Variants in ZRANB3 observed in about 807,000 individuals in gnomAD.
The protein encoded by ZRANB3 is DNA annealing helicase and endonuclease ZRANB3.
A neutral mutation model predicts 133.8 loss-of-function variants in ZRANB3; 125 were observed. The ratio of observed to expected loss-of-function variants is 0.93; its 90% CI spans 0.81 to 1.08. The LOEUF is 1.08. ZRANB3 is among the 50% of genes least tolerant of loss of function. The probability of loss-of-function intolerance (pLI) is 0.00; values close to 1 mark genes in which losing one functional copy is unlikely to be tolerated. For synonymous variants in ZRANB3, 387 were observed against 432.7 expected (o/e 0.89, Z 1.31); for missense variants, 1,229 against 1,275.5 (o/e 0.96, Z 0.56).
At chr2:135,268,208 T>G (rs1573794150) in intron 11 of ZRANB3, among the ~76,000 whole-genome samples, 1 of 151,650 alleles carries the variant, frequency 6.6e-6, no homozygotes. Flanking sequence ...CAGGCTGGAG[T>G]GCAATTGTTG....
chr2:135,450,885 T>C (rs991079995), intron 2 of ZRANB3, among the ~76,000 whole-genome samples: 4 of 152,198 alleles, frequency 2.6e-5, no homozygotes, highest in Non-Finnish European at 5.9e-5. Flanking sequence ...GAGATATCCA[T>C]ATCTACTACA....
chr2:135,523,548 T>TA (rs2104845290), intron 1 of ZRANB3, among the ~76,000 whole-genome samples: 1 of 152,344 alleles, frequency 6.6e-6, no homozygotes, highest in South Asian at 2.1e-4. Context: ...ACAATATTAA[T>TA]AAAAAAGCAA....
At chr2:135,500,756 T>TAAAAAAAAAA (rs760594100) in intron 2 of ZRANB3, among the ~76,000 whole-genome samples, 1 of 73,660 alleles carries the variant, frequency 1.4e-5, no homozygotes, top group South Asian at 3.8e-4. Flanking sequence ...TACATATCAG[T>TAAAAAAAAAA]AAAAAAAAAA....
chr2:135,451,642 T>TCA (rs894512765), intron 2 of ZRANB3, among the ~76,000 whole-genome samples: 1 of 147,230 alleles, frequency 6.8e-6, no homozygotes, highest in Admixed American at 6.7e-5. Context: ...AAACAAAAAA[T>TCA]CACACACACA....
intron 8 of ZRANB3, among the ~76,000 whole-genome samples, chr2:135,308,131 T>C (rs902487114): frequency 9.2e-5 from 14 of 152,274 alleles, no homozygotes; most frequent in African/African-American, 3.1e-4. Context: ...TTTCTTGGTG[T>C]TCCTGTCCCC....
intron 7 of ZRANB3, among the ~76,000 whole-genome samples, chr2:135,315,084 T>G (rs1260394244): frequency 6.6e-6 from 1 of 152,168 alleles, no homozygotes; most frequent in Non-Finnish European, 1.5e-5. Context: ...GAATTCTTAA[T>G]ACTACATCTC....
intron 8 of ZRANB3, among the ~76,000 whole-genome samples, chr2:135,278,756 G>A (rs887149997): frequency 6.6e-6 from 1 of 152,140 alleles, no homozygotes; most frequent in Non-Finnish European, 1.5e-5. Context: ...AATAAAATGA[G>A]TTGTGGAAGA....
chr2:135,289,251 A>T (rs1681556329), intron 8 of ZRANB3, among the ~76,000 whole-genome samples: 1 of 151,830 alleles, frequency 6.6e-6, no homozygotes, highest in Non-Finnish European at 1.5e-5. Flanking sequence ...GTTCTTTTGT[A>T]GTTGATTTCT....
chr2:135,444,552 A>C (rs887133781), intron 2 of ZRANB3, among the ~76,000 whole-genome samples: 8 of 152,266 alleles, frequency 5.3e-5, no homozygotes, highest in Non-Finnish European at 1.0e-4. Context: ...GGAACCCCCC[A>C]AAAAAAGATT....
intron 2 of ZRANB3, among the ~76,000 whole-genome samples, chr2:135,480,884 G>C (rs1417661580): frequency 7.3e-6 from 1 of 136,714 alleles, no homozygotes; most frequent in Non-Finnish European, 1.5e-5. Flanking sequence ...TTGTTCTTGT[G>C]ATAGTTTACT....
chr2:135,493,120 TATATATATATATATATATATATATATA>T (rs1692473296), intron 2 of ZRANB3, among the ~76,000 whole-genome samples: 1 of 2,130 alleles, frequency 4.7e-4, no homozygotes, highest in Non-Finnish European at 1.0e-3. Flanking sequence ...TATATATATA[TATATATATATATATATATATATATATA>T]TATATATATA....
chr2:135,350,180 T>C lies in ZRANB3; in HGVS notation c.395A>G (p.Tyr132Cys), dbSNP rs1219916720. The C allele has an allele frequency of 3.7e-6, 6 of 1,606,306 alleles. No individual in the cohort carries two copies. Among genetic ancestry groups the C allele is most frequent in the Non-Finnish European group, 4.3e-6 (5 of 1,176,136 alleles). The change falls in exon 5 of 21, where the codon TAT becomes TGT. Residue 132 changes from tyrosine to cysteine, a missense_variant. Physicochemically the swap from Tyr to Cys is radical, Grantham distance 194 (BLOSUM62 -2). Coordinates refer to ENST00000264159, the MANE Select transcript of ZRANB3 (RefSeq NM_032143.4). The part of the protein sequence containing the change: ...MSTSKVTVLG[Y>C]GLLTADAKTL... The stretch of plus-strand genomic sequence containing the variant: ...CTTTGCATCTGCGGTTAAGAGACCA[T>C]AACCCAGAACTGTCACTTTACTGGT...
At chr2:135,281,106 T>C (rs567697980) in intron 8 of ZRANB3, among the ~76,000 whole-genome samples, 1 of 152,348 alleles carries the variant, frequency 6.6e-6, no homozygotes, top group African/African-American at 2.4e-5. Context: ...AAATCTCTAC[T>C]TGTCCTTGTG....
At chr2:135,510,811 G>C in intron 1 of ZRANB3, 1 of 837,720 alleles carries the variant, frequency 1.2e-6, no homozygotes. Flanking sequence ...CCAAAACTGG[G>C]TAATTTCCCA....
Position 135,258,540 on chromosome 2 carries a change from C to A in ZRANB3, c.1539+6994G>T, listed in dbSNP as rs78463046. Among the ~76,000 whole-genome samples the A allele has an allele frequency of 2.0e-4, 30 of 152,326 alleles. No homozygotes were observed. The East Asian group carries it at 5.8e-3, about 29-fold the overall frequency. On this transcript the variant is annotated intron_variant, in intron 12 of 20. Coordinates refer to ENST00000264159, the MANE Select transcript of ZRANB3 (RefSeq NM_032143.4). ...CACACAATAAATGCTGCCCTTCTCA[C>A]CCTACAATGTATCCGCATGCCTAAA...
chr2:135,363,752 T>C (rs1460753774), intron 3 of ZRANB3, among the ~76,000 whole-genome samples: 2 of 152,186 alleles, frequency 1.3e-5, no homozygotes, highest in East Asian at 3.8e-4. Flanking sequence ...ATCATTTAGA[T>C]ACATGTTAAA....
intron 2 of ZRANB3, among the ~76,000 whole-genome samples, chr2:135,423,681 G>A (rs1240840723): frequency 6.6e-6 from 1 of 152,034 alleles, no homozygotes; most frequent in East Asian, 1.9e-4. Context: ...GAGGGTAGGG[G>A]GATATGAACT....
intron 9 of ZRANB3, 106 bp downstream of exon 9, chr2:135,275,530 C>A (rs1680766985): frequency 2.3e-6 from 2 of 858,690 alleles, no homozygotes; most frequent in Non-Finnish European, 3.2e-6. Context: ...TATATACCAT[C>A]ATCTAAAGAA....
intron 2 of ZRANB3, among the ~76,000 whole-genome samples, chr2:135,420,701 T>C (rs985862149): frequency 4.6e-5 from 7 of 152,182 alleles, no homozygotes; most frequent in African/African-American, 1.4e-4. Flanking sequence ...TCTTCTTATA[T>C]CTGTGCACCT....
Sources: allele counts gnomAD v4.1 joint callset (sites outside exome capture counted in the v4.1 genomes callset), GRCh38; gene constraint gnomAD v4.1.1; transcripts MANE v1.5; gene names NCBI Gene and HGNC (gene_info 2026-07-23, HGNC 2026-07-21).